Variants in USH2A observed in about 807,000 individuals in gnomAD.
USH2A encodes usherin, also known as Usher syndrome 2A (autosomal recessive, mild).
In USH2A, 443 loss-of-function variants were observed where a neutral mutation model predicts 538.9. The observed-to-expected ratio is 0.82, with a 90% CI of 0.76 to 0.89. The LOEUF is 0.89. Among genes scored for constraint, USH2A ranks in the 40% least tolerant of loss-of-function variants. The pLI is 0.00. For missense variants in USH2A, 6,633 were observed against 6,324.8 expected (o/e 1.05, Z -1.65); for synonymous variants, 2,413 against 2,273.5 (o/e 1.06, Z -1.75).
intron 54 of USH2A, among the ~76,000 whole-genome samples, chr1:215,780,638 C>T (rs1661606580): frequency 3.3e-5 from 5 of 152,174 alleles, no homozygotes. Flanking sequence ...TAGTTTTGGA[C>T]AAAAATTGGC....
intron 58 of USH2A, among the ~76,000 whole-genome samples, chr1:215,747,949 T>C (rs1295529720): frequency 6.6e-6 from 1 of 150,908 alleles, no homozygotes; most frequent in Non-Finnish European, 1.5e-5. Context: ...CGGACTGCAG[T>C]GGCGCAATCT....
At chr1:216,164,987 C>T (rs2034137677) in intron 21 of USH2A, among the ~76,000 whole-genome samples, 1 of 152,066 alleles carries the variant, frequency 6.6e-6, no homozygotes, top group Non-Finnish European at 1.5e-5. Context: ...TGTTGGGGAG[C>T]CAGATTTGAA....
intron 11 of USH2A, 80 bp from the exon 12 acceptor site, chr1:216,251,178 G>A: frequency 6.9e-7 from 1 of 1,439,358 alleles, no homozygotes; most frequent in Non-Finnish European, 9.7e-7. Flanking sequence ...AAGACAGGGA[G>A]GGAGGGAGAA....
intron 22 of USH2A, among the ~76,000 whole-genome samples, chr1:216,090,724 T>A (rs1055197965): frequency 6.6e-6 from 1 of 152,164 alleles, no homozygotes; most frequent in African/African-American, 2.4e-5. Flanking sequence ...TAATGTGCCC[T>A]GGTAGCATGC....
In USH2A at chr1:216,089,014, T is replaced by C. The variant is rs766414428; in HGVS notation, c.4884A>G (p.Thr1628=). The part of the protein sequence containing the change: ...FGQITLDGIY[T]GSSAILNGST... Reference sequence around the variant, plus strand: ...TTATACATATCAAAAAGTACTTACCTGTATATATCCCATCCAGAGTGATTT... The same window carrying C: ...TTATACATATCAAAAAGTACTTACCCGTATATATCCCATCCAGAGTGATTT... Residue 1628 remains threonine, a splice_region_variant and synonymous_variant, in exon 23 of 72, where the codon ACA becomes ACG. Coordinates refer to ENST00000307340, the MANE Select transcript of USH2A (RefSeq NM_206933.4). 6.2e-7 allele frequency: 1 copy of C among 1,613,360 alleles called. No individual in the cohort carries two copies. The highest frequency in any genetic ancestry group is 8.5e-7 in the Non-Finnish European group (1 of 1,179,494).
intron 49 of USH2A, among the ~76,000 whole-genome samples, chr1:215,802,696 A>G (rs774207466): frequency 2.2e-4 from 33 of 152,256 alleles, no homozygotes; most frequent in Non-Finnish European, 3.7e-4. Flanking sequence ...ACAGTATGGC[A>G]GTTCTTAACA....
chr1:215,897,519 C>G (rs943025377), intron 40 of USH2A, among the ~76,000 whole-genome samples: 6 of 151,868 alleles, frequency 4.0e-5, no homozygotes, highest in African/African-American at 1.2e-4. Flanking sequence ...AAACCCATCT[C>G]TAATAAAAAT....
chr1:215,761,768 C>T (rs572992709), intron 56 of USH2A, among the ~76,000 whole-genome samples: 4 of 152,022 alleles, frequency 2.6e-5, no homozygotes, highest in Non-Finnish European at 2.9e-5. Flanking sequence ...ACAAATCCAT[C>T]GATGGAGAAG....
At position 215,877,864 on chromosome 1, in the gene USH2A, G is replaced by T; in HGVS notation, c.8575C>A (p.Arg2859Ser). Residue 2859 changes from arginine (R) to serine (S), a missense_variant, in exon 43 of 72, where the codon CGT becomes AGT. By Grantham distance (110) the Arg-to-Ser change is moderately radical. Coordinates refer to ENST00000307340, the MANE Select transcript of USH2A (RefSeq NM_206933.4). ...GATGCAAGTGGCTGCTGGATTTTACGTCTCAGAAGCTCATATCTAAAGCAA... is the reference window on the plus strand; with the variant it reads ...GATGCAAGTGGCTGCTGGATTTTACTTCTCAGAAGCTCATATCTAAAGCAA... ...GPNLRYELLR[R>S]KIQQPLASNP... 6.2e-7 allele frequency: 1 copy of T among 1,613,632 alleles called. No individual in the cohort carries two copies. Among genetic ancestry groups the T allele is most frequent in the Non-Finnish European group, 8.5e-7 (1 of 1,179,664 alleles).
intron 43 of USH2A, among the ~76,000 whole-genome samples, chr1:215,875,111 G>T (rs1664723624): frequency 6.6e-6 from 1 of 152,124 alleles, no homozygotes; most frequent in African/African-American, 2.4e-5. Context: ...CCTTTAAAGA[G>T]AAAAATATCC....
chr1:216,107,736 C>G (rs577903912), intron 21 of USH2A, among the ~76,000 whole-genome samples: 1 of 149,946 alleles, frequency 6.7e-6, no homozygotes, highest in Non-Finnish European at 1.5e-5. Context: ...CCTTCCCTAC[C>G]TTGTTATGGA....
rs966066369 is a variant in USH2A, at chr1:216,138,895, T to C, written c.4627+36357A>G. On this transcript the variant is annotated intron_variant, in intron 21 of 71. Coordinates refer to ENST00000307340, the MANE Select transcript of USH2A (RefSeq NM_206933.4). ...CATAAATGAGCTTTTGAAATGTATATATTTTTAAATATGCATATATTAATG... is the reference window on the plus strand; with the variant it reads ...CATAAATGAGCTTTTGAAATGTATACATTTTTAAATATGCATATATTAATG... Among the ~76,000 whole-genome samples the C allele has an allele frequency of 1.5e-4, 23 of 151,656 alleles. 1 individual carries two copies. The highest frequency in any genetic ancestry group is 1.5e-3 in the Admixed American group (23 of 15,196).
Position 216,048,588 on chromosome 1 carries a change from A to G in USH2A, c.6109T>C (p.Leu2037=). The change falls in exon 31 of 72, where the codon TTG becomes CTG. Residue 2037 remains leucine, a synonymous_variant. Coordinates refer to ENST00000307340, the MANE Select transcript of USH2A (RefSeq NM_206933.4). ...TGTGAGCTCTCAGTACAGCCAGCCAAAGTGCAAGCAGTTAGGGTTACTGCA... is the reference window on the plus strand; with the variant it reads ...TGTGAGCTCTCAGTACAGCCAGCCAGAGTGCAAGCAGTTAGGGTTACTGCA... ...NYAVTLTACT[L]AGCTESSHAL... 6.2e-7 allele frequency: 1 copy of G among 1,614,130 alleles called. No individual in the cohort carries two copies. The highest frequency in any genetic ancestry group is 8.5e-7 in the Non-Finnish European group (1 of 1,179,988).
intron 55 of USH2A, among the ~76,000 whole-genome samples, chr1:215,778,253 T>C (rs1381580604): frequency 1.3e-5 from 2 of 152,136 alleles, no homozygotes; most frequent in Non-Finnish European, 2.9e-5. Context: ...GGTTTTGCCA[T>C]GTTGGCCAGG....
In USH2A at chr1:216,379,453, C is replaced by CA. The variant is rs200210124; in HGVS notation, c.652-14369dup. On this transcript the variant is annotated intron_variant, in intron 3 of 71. Transcript: ENST00000307340. ...TAAAACTGTAAATCTCTTTCTCCAG[C>CA]AAAAAAAAAAAGCAGAAAACCAGTT... 4.4e-3 allele frequency among the ~76,000 whole-genome samples: 622 copies of CA among 141,686 alleles called. 4 individuals are homozygous for CA. The highest frequency in any genetic ancestry group is 0.011 in the East Asian group (56 of 4,892). 93.0% of individuals were successfully genotyped at this position (141,686 alleles called of 152,430 possible).
At chr1:215,820,246 T>C (rs1662974547) in intron 47 of USH2A, among the ~76,000 whole-genome samples, 1 of 149,916 alleles carries the variant, frequency 6.7e-6, no homozygotes, top group Admixed American at 6.7e-5. Context: ...TCTACACACA[T>C]TTTTTTCTCT....
intron 35 of USH2A, among the ~76,000 whole-genome samples, chr1:215,972,482 C>A (rs1341983006): frequency 1.3e-5 from 2 of 152,156 alleles, no homozygotes; most frequent in African/African-American, 4.8e-5. Flanking sequence ...GCCACCTTTC[C>A]CTTTTGTTCT....
chr1:215,782,906 C>A lies in USH2A; in HGVS notation c.10417G>T (p.Glu3473Ter), dbSNP rs778879348. The A allele has an allele frequency of 6.2e-7, 1 of 1,613,520 alleles. No individual in the cohort carries two copies. The change falls in exon 53 of 72, where the codon GAG becomes TAG. Residue 3473 changes from glutamate to a stop codon, truncating the protein, a stop_gained. Transcript: ENST00000307340. LOFTEE classifies it high-confidence loss of function. ...DVNLKPYMTYEYRISAWNSYG... is the reference protein window; with the variant it reads ...DVNLKPYMTY ...CTGTTCCAGGCAGAAATCCTGTACT[C>A]ATATGTCATGTAGGGCTTGAGGTTC...
chr1:216,043,487 T>C (rs938492228), intron 32 of USH2A, among the ~76,000 whole-genome samples: 2 of 152,050 alleles, frequency 1.3e-5, no homozygotes, highest in African/African-American at 4.8e-5. Flanking sequence ...TACATAAAGA[T>C]AGAAAACCAT....
Sources: allele counts gnomAD v4.1 joint callset (sites outside exome capture counted in the v4.1 genomes callset), GRCh38; gene constraint gnomAD v4.1.1; transcripts MANE v1.5; gene names NCBI Gene and HGNC (gene_info 2026-07-23, HGNC 2026-07-21).